The following DPAGT1 variants were observed in gnomAD, a reference collection of about 807,000 sequenced individuals.
DPAGT1 encodes the protein UDP-N-acetylglucosamine--dolichyl-phosphate N-acetylglucosaminephosphotransferase.
In DPAGT1, 25 loss-of-function variants were observed where a neutral mutation model predicts 39.3. The observed-to-expected ratio is 0.64, with a 90% CI of 0.46 to 0.89. The LOEUF (loss-of-function observed/expected upper bound fraction) is 0.89, where lower values mean the gene tolerates loss of function less well. Among genes scored for constraint, DPAGT1 ranks in the 40% least tolerant of loss-of-function variants. The probability of loss-of-function intolerance (pLI) is 0.00; values close to 1 mark genes in which losing one functional copy is unlikely to be tolerated. For missense variants in DPAGT1, 381 were observed against 500.6 expected (o/e 0.76, Z 2.28); for synonymous variants, 193 against 201.4 (o/e 0.96, Z 0.36).
At chr11:119,094,257 C>G (rs562765455), downstream of DPAGT1, 1 of 152,432 alleles carries the variant, frequency 6.6e-6, no homozygotes, top group African/African-American at 2.4e-5. Flanking sequence ...GGCCCCAGCG[C>G]AGACCTATGA....
At position 119,101,239 on chromosome 11, in the gene DPAGT1, G is replaced by A. The variant is rs1405472175; in HGVS notation, c.162-101C>T. 2.6e-6 allele frequency: 4 copies of A among 1,560,542 alleles called. No individual in the cohort carries two copies. In the Admixed American group the frequency reaches 5.3e-5, roughly 21 times the overall value. On this transcript the variant is annotated intron_variant, in intron 1 of 8. Transcript: ENST00000354202. Reference sequence around the variant, plus strand: ...AACCCAAAGTGGTCTTCTCATTCCCGGTTTTTTATTCTGGTAAGTGGTGAG... The same window carrying A: ...AACCCAAAGTGGTCTTCTCATTCCCAGTTTTTTATTCTGGTAAGTGGTGAG...
At position 119,101,617 on chromosome 11, in the gene DPAGT1, G is replaced by A; in HGVS notation, c.39C>T (p.Ile13=). 1.2e-6 allele frequency: 2 copies of A among 1,614,264 alleles called. No homozygotes were observed. Among genetic ancestry groups the A allele is most frequent in the Non-Finnish European group, 1.7e-6 (2 of 1,180,048 alleles). Residue 13 remains isoleucine, a synonymous_variant, in exon 1 of 9, where the codon ATC becomes ATT. Coordinates refer to ENST00000354202, the MANE Select transcript of DPAGT1 (RefSeq NM_001382.4). ...ATCCCAGCAGCGAGACGATCAAATT[G>A]ATCAGCAGCGGCATGGGCAATTCCG... ...AFSELPMPLL[I]NLIVSLLGFV... is the part of the protein sequence containing the mutation.
chr11:119,095,497 A>T, downstream of DPAGT1: 1 of 1,264,496 alleles, frequency 7.9e-7, no homozygotes, highest in South Asian at 1.6e-5. Flanking sequence ...CGCCTTTATA[A>T]GCCCCCAGGA....
rs35482889 is a variant in DPAGT1 at position 119,098,432 on chromosome 11, G to GA, written c.698dup (p.Thr234HisfsTer116). The GA allele has an allele frequency of 3.1e-6, 5 of 1,612,824 alleles. No individual in the cohort carries two copies. The highest frequency in any genetic ancestry group is 2.2e-5 in the East Asian group (1 of 44,890). ...TGTGGTAGAGCAATCCCAAAGTGGTGAAAAAAAAGGGTATCATGAAGTAGA... is the reference window on the plus strand; with the variant it reads ...TGTGGTAGAGCAATCCCAAAGTGGTGAAAAAAAAAGGGTATCATGAAGTAGA... On this transcript the variant is annotated frameshift_variant, in exon 5 of 9. Transcript: ENST00000354202. LOFTEE classifies it high-confidence loss of function.
downstream of DPAGT1, chr11:119,095,432 C>G: frequency 6.8e-7 from 1 of 1,466,406 alleles, no homozygotes; most frequent in East Asian, 2.5e-5. Context: ...ACGGCTCAAA[C>G]ACTAGAACAG....
intron 3 of DPAGT1, 54 bp from the exon 4 acceptor site, chr11:119,100,462 T>C: frequency 6.2e-7 from 1 of 1,613,334 alleles, no homozygotes; most frequent in Non-Finnish European, 8.5e-7. Flanking sequence ...GAGGAGGATT[T>C]AAGAATTTTT....
chr11:119,097,586 A>G lies in DPAGT1; in HGVS notation c.918-35T>C, dbSNP rs528948285. 1 of 1,609,660 alleles carries G rather than the reference A, an allele frequency of 6.2e-7. No homozygotes were observed. Among genetic ancestry groups the G allele is most frequent in the African/African-American group, 1.3e-5 (1 of 74,944 alleles). On this transcript the variant is annotated intron_variant, in intron 6 of 8. Transcript: ENST00000354202. This position sits in a 1 kb window ranked among gnomAD's most constrained non-coding sequence, Gnocchi z 4.6. Reference sequence around the variant, plus strand: ...GAAGATAGCTTCATGTGACTGGGCCACTATTTGAACCCTCCTCCCTGTGGC... The same window carrying G: ...GAAGATAGCTTCATGTGACTGGGCCGCTATTTGAACCCTCCTCCCTGTGGC...
At position 119,101,156 on chromosome 11, in the gene DPAGT1, G is replaced by A. The variant is rs764930301; in HGVS notation, c.162-18C>T. On this transcript the variant is annotated intron_variant, in intron 1 of 8. Transcript: ENST00000354202. ...ATTCTGGGCTGTGGCCCAGCAGCAA[G>A]GGGGCGAGGGGGAAGAGGAAAGGGG... 1.9e-5 allele frequency: 31 copies of A among 1,613,780 alleles called. No homozygotes were observed. In the South Asian group the frequency reaches 3.2e-4, roughly 17 times the overall value.
At chr11:119,101,276 G>A (rs575278360) in intron 1 of DPAGT1, 138 bp from the exon 2 acceptor site, 12 of 1,386,554 alleles carry the variant, frequency 8.7e-6, no homozygotes, top group South Asian at 1.2e-5. Context: ...GGGGCGGAGG[G>A]AGGAAAGCAC....
downstream of DPAGT1, chr11:119,094,815 C>T: frequency 2.1e-5 from 17 of 826,670 alleles, no homozygotes; most frequent in Middle Eastern, 3.7e-4. Context: ...CGAAGGCGGG[C>T]GAGGGGAGGG....
At position 119,097,583 on chromosome 11, in the gene DPAGT1, G is replaced by A; in HGVS notation, c.918-32C>T. The A allele has an allele frequency of 6.2e-7, 1 of 1,611,034 alleles. No homozygotes were observed. On this transcript the variant is annotated intron_variant, in intron 6 of 8. Transcript: ENST00000354202. The surrounding 1 kb of genome is among the most constrained non-coding windows in gnomAD (Gnocchi z 4.6). ...GGGGAAGATAGCTTCATGTGACTGG[G>A]CCACTATTTGAACCCTCCTCCCTGT...
intron 4 of DPAGT1, among the ~76,000 whole-genome samples, chr11:119,098,749 C>T (rs927935609): frequency 3.9e-5 from 6 of 152,230 alleles, no homozygotes; most frequent in African/African-American, 1.4e-4. Flanking sequence ...TACTTCTTAG[C>T]TTTGTGACCT....
Position 119,097,145 on chromosome 11 carries a change from C to G in DPAGT1, c.1158G>C (p.Leu386=). Residue 386 remains leucine (L), a synonymous_variant, in exon 8 of 9, where the codon CTG becomes CTC. Coordinates refer to ENST00000354202, the MANE Select transcript of DPAGT1 (RefSeq NM_001382.4). The surrounding 1 kb of genome is among the most constrained non-coding windows in gnomAD (Gnocchi z 4.6). ...ERNLTLLLLL[L]QILGSAITFS... ...TAAACTCGATTCCCATCCTCACCTG[C>G]AGCAGCAGCAGGAGCAATGTGAGGT... 6.2e-7 allele frequency: 1 copy of G among 1,614,096 alleles called. No homozygotes were observed. Among genetic ancestry groups the G allele is most frequent in the Non-Finnish European group, 8.5e-7 (1 of 1,179,984 alleles).
chr11:119,101,623 C>T lies in DPAGT1; in HGVS notation c.33G>A (p.Leu11=), dbSNP rs773853061. 26 of 1,614,162 alleles carry T rather than the reference C, an allele frequency of 1.6e-5. No individual in the cohort carries two copies. Among genetic ancestry groups the T allele is most frequent in the Admixed American group, 5.0e-5 (3 of 60,014 alleles). The change falls in exon 1 of 9, where the codon CTG becomes CTA. Residue 11 remains leucine (L), a synonymous_variant. Coordinates refer to ENST00000354202, the MANE Select transcript of DPAGT1 (RefSeq NM_001382.4). MWAFSELPMP[L]LINLIVSLLG... ...GCAGCGAGACGATCAAATTGATCAGCAGCGGCATGGGCAATTCCGAGAAGG... is the reference window on the plus strand; with the variant it reads ...GCAGCGAGACGATCAAATTGATCAGTAGCGGCATGGGCAATTCCGAGAAGG...
chr11:119,101,307 T>C (rs1214282944), intron 1 of DPAGT1, 169 bp from the exon 2 acceptor site: 3 of 1,361,898 alleles, frequency 2.2e-6, no homozygotes, highest in East Asian at 4.6e-5. Flanking sequence ...GTCCCAGATA[T>C]ACCCAAGGGT....
rs759595271 is a variant in DPAGT1, at chr11:119,100,794, A to C, written c.332T>G (p.Leu111Arg). 3.7e-6 allele frequency: 6 copies of C among 1,614,126 alleles called. No homozygotes were observed. Among genetic ancestry groups the C allele is most frequent in the Non-Finnish European group, 5.1e-6 (6 of 1,180,050 alleles). Residue 111 changes from leucine (L) to arginine (R), a missense_variant, in exon 3 of 9, where the codon CTG becomes CGG. Leu to Arg is a moderately radical substitution (Grantham distance 102). Coordinates refer to ENST00000354202, the MANE Select transcript of DPAGT1 (RefSeq NM_001382.4). ...ATTCAGTACATCATCCGCAAAGCCC[A>C]GGAAGATCATGCAGCAGATGGCAAG... is the stretch of plus-strand genomic sequence containing the variant. ...ALLAICCMIF[L>R]GFADDVLNLR...
downstream of DPAGT1, chr11:119,095,432 C>T (rs1050370631): frequency 9.5e-6 from 14 of 1,466,406 alleles, no homozygotes; most frequent in Non-Finnish European, 1.3e-5. Flanking sequence ...ACGGCTCAAA[C>T]ACTAGAACAG....
At position 119,100,413 on chromosome 11, in the gene DPAGT1, G is replaced by A. The variant is rs556782038; in HGVS notation, c.497-5C>T. 7.5e-5 allele frequency: 121 copies of A among 1,614,188 alleles called. 1 individual carries two copies. The South Asian group carries it at 1.1e-3, about 14-fold the overall frequency. On this transcript the variant is annotated splice_region_variant and splice_polypyrimidine_tract_variant and intron_variant, in intron 3 of 8. Transcript: ENST00000354202. ...TGTAGACATAGTACAGGATTCCTGCGGGGAGAGATGGTAGGAAAAGAAGTA... is the reference window on the plus strand; with the variant it reads ...TGTAGACATAGTACAGGATTCCTGCAGGGAGAGATGGTAGGAAAAGAAGTA...
Position 119,097,156 on chromosome 11 carries a change from G to A in DPAGT1, c.1147C>T (p.Leu383=). ...CCCATCCTCACCTGCAGCAGCAGCA[G>A]GAGCAATGTGAGGTTTCTCTCATGT... ...PIHERNLTLL[L]LLLQILGSAI... Residue 383 remains leucine, a synonymous_variant, in exon 8 of 9, where the codon CTG becomes TTG. Transcript: ENST00000354202. The surrounding 1 kb of genome is among the most constrained non-coding windows in gnomAD (Gnocchi z 4.6). The A allele has an allele frequency of 6.2e-7, 1 of 1,614,194 alleles. No individual in the cohort carries two copies. Among genetic ancestry groups the A allele is most frequent in the Non-Finnish European group, 8.5e-7 (1 of 1,180,030 alleles).
Sources: allele counts gnomAD v4.1 joint callset (sites outside exome capture counted in the v4.1 genomes callset), GRCh38; gene constraint gnomAD v4.1.1; non-coding constraint Gnocchi (gnomAD v3.1); transcripts MANE v1.5; gene names NCBI Gene and HGNC (gene_info 2026-07-23, HGNC 2026-07-21).